Variants in PRKCH observed in about 807,000 individuals in gnomAD.
PRKCH encodes the protein protein kinase C eta.
In PRKCH, 28 loss-of-function variants were observed where a neutral mutation model predicts 82.5. The ratio of observed to expected loss-of-function variants is 0.34; its 90% confidence interval spans 0.25 to 0.47. The LOEUF (loss-of-function observed/expected upper bound fraction) is 0.47. PRKCH is among the 20% of genes least tolerant of loss of function. The pLI, the probability that PRKCH is intolerant of heterozygous loss-of-function variation, is 1.00. For synonymous variants in PRKCH, 322 were observed against 327.4 expected, an observed-to-expected ratio of 0.98 and a Z score of 0.18; for missense variants, 705 against 881.8, an observed-to-expected ratio of 0.80 and a Z score of 2.54.
At chr14:61,292,675 G>A (rs1262963633) in intron 1 of PRKCH, among the ~76,000 whole-genome samples, 1 of 150,746 alleles carries the variant, frequency 6.6e-6, no homozygotes, top group African/African-American at 2.4e-5. Context: ...GGAGGCTGAG[G>A]CAGGAGAATT....
At chr14:61,267,852 A>C (rs987888813) in intron 1 of PRKCH, among the ~76,000 whole-genome samples, 5 of 152,220 alleles carry the variant, frequency 3.3e-5, no homozygotes, top group Non-Finnish European at 5.9e-5. Flanking sequence ...AAGAAAAAAA[A>C]TGCTGCCAAT....
Position 61,472,711 on chromosome 14 carries a change from CA to C in PRKCH, c.1279-12790del, listed in dbSNP as rs551305722. Among the ~76,000 whole-genome samples the C allele has an allele frequency of 7.9e-5, 12 of 152,152 alleles. No homozygotes were observed. The South Asian group carries it at 2.5e-3, about 32-fold the overall frequency. Reference sequence around the variant, plus strand: ...CCTGTCTCAATTTTTTAAAAACCCACACACAAAAAAAACAACAAAACAAAAA... The same window carrying C: ...CCTGTCTCAATTTTTTAAAAACCCACCACAAAAAAAACAACAAAACAAAAA... On this transcript the variant is annotated intron_variant, in intron 9 of 13. Coordinates refer to ENST00000332981, the MANE Select transcript of PRKCH (RefSeq NM_006255.5).
chr14:61,442,323 T>C (rs934890463), intron 2 of PRKCH, among the ~76,000 whole-genome samples: 2 of 152,210 alleles, frequency 1.3e-5, no homozygotes, highest in Non-Finnish European at 2.9e-5. Flanking sequence ...AATTTCTACC[T>C]ATTCCAGGTT....
intron 1 of PRKCH, among the ~76,000 whole-genome samples, chr14:61,223,739 G>A (rs2044673405): frequency 6.6e-6 from 1 of 152,178 alleles, no homozygotes; most frequent in African/African-American, 2.4e-5. Flanking sequence ...ATGGCCAGAG[G>A]CTTGCAAAAG....
rs531160751 is a variant in PRKCH, at chr14:61,368,867, G to A, written c.364-22358G>A. ...AGTTGACAATTATTGTTATTTTTGGGGAATTGTTTAAAGGATGTTCATTCA... is the reference window on the plus strand; with the variant it reads ...AGTTGACAATTATTGTTATTTTTGGAGAATTGTTTAAAGGATGTTCATTCA... On this transcript the variant is annotated intron_variant, in intron 1 of 13. Coordinates refer to ENST00000332981, the MANE Select transcript of PRKCH (RefSeq NM_006255.5). Among the ~76,000 whole-genome samples, 7 of 152,022 alleles carry A rather than the reference G, an allele frequency of 4.6e-5. No homozygotes were observed. In the South Asian group the frequency reaches 6.3e-4, roughly 14 times the overall value.
intron 1 of PRKCH, among the ~76,000 whole-genome samples, chr14:61,243,472 A>C (rs901282758): frequency 6.6e-6 from 1 of 152,044 alleles, no homozygotes; most frequent in African/African-American, 2.4e-5. Flanking sequence ...AGAGAATAAC[A>C]TGTGCAAAGA....
intron 1 of PRKCH, among the ~76,000 whole-genome samples, chr14:61,352,864 A>G (rs1334977242): frequency 6.6e-6 from 1 of 152,204 alleles, no homozygotes; most frequent in Non-Finnish European, 1.5e-5. Context: ...AATTTGAAGC[A>G]GTTTAAGTCA....
At chr14:61,405,802 A>G (rs529265605) in intron 2 of PRKCH, among the ~76,000 whole-genome samples, 1,829 of 146,714 alleles carry the variant, frequency 0.012, 41 homozygotes, top group African/African-American at 0.046. Context: ...TTGGTACCTT[A>G]TAGGGACTTA....
chr14:61,191,167 C>T (rs1480530058), intron 1 of PRKCH, among the ~76,000 whole-genome samples: 1 of 152,140 alleles, frequency 6.6e-6, no homozygotes, highest in Admixed American at 6.5e-5. Flanking sequence ...TTCTCTCAGC[C>T]TGAAGAAGGT....
chr14:61,548,106 C>A (rs1007487403), intron 13 of PRKCH, among the ~76,000 whole-genome samples: 1 of 152,220 alleles, frequency 6.6e-6, no homozygotes, highest in Non-Finnish European at 1.5e-5. Context: ...TTTCACCCCT[C>A]GTTTACCCAA....
At chr14:61,267,921 CTTTTATATTTGTTT>C (rs1346512440) in intron 1 of PRKCH, among the ~76,000 whole-genome samples, 3 of 151,964 alleles carry the variant, frequency 2.0e-5, no homozygotes, top group Non-Finnish European at 4.4e-5. Context: ...TAAAAGGGTG[CTTTTATATTTGTTT>C]AGATAGATTT....
At chr14:61,408,094 CA>C (rs1351908060) in intron 2 of PRKCH, among the ~76,000 whole-genome samples, 7 of 152,192 alleles carry the variant, frequency 4.6e-5, no homozygotes, top group Admixed American at 2.0e-4. Flanking sequence ...GACTTTGAAA[CA>C]TGTTTTAGTG....
rs60055073 is a variant in PRKCH, at chr14:61,210,111, AATATATAT to A, written c.-19+22487_-19+22494del. Among the ~76,000 whole-genome samples the A allele has an allele frequency of 6.5e-3, 566 of 87,210 alleles. 2 individuals carry two copies. Among genetic ancestry groups the A allele is most frequent in the African/African-American group, 0.012 (317 of 25,544 alleles). 57.2% of individuals were successfully genotyped at this position (87,210 alleles called of 152,430 possible). On this transcript the variant is annotated intron_variant, in intron 1 of 3. Transcript: ENST00000555185. ...AAAAAACAAAACAAACAAACAAACAAATATATATATATATATATATATATATATATATA... is the reference window on the plus strand; with the variant it reads ...AAAAAACAAAACAAACAAACAAACAAATATATATATATATATATATATATA...
chr14:61,416,053 C>CTTTTTTTTT (rs71117815), intron 2 of PRKCH, among the ~76,000 whole-genome samples: 43 of 94,156 alleles, frequency 4.6e-4, no homozygotes, highest in South Asian at 7.7e-4. Context: ...CTTTTCTTTT[C>CTTTTTTTTT]TTTTTTTTTT....
In PRKCH at chr14:61,458,893, C is replaced by T. The variant is rs1366778948; in HGVS notation, c.1278+1214C>T. Among the ~76,000 whole-genome samples the T allele has an allele frequency of 2.6e-5, 4 of 152,164 alleles. No homozygotes were observed. The East Asian group carries it at 7.7e-4, about 29-fold the overall frequency. The stretch of plus-strand genomic sequence containing the variant: ...CACCTCCCACCAGGCCCTTCCCCAA[C>T]ATTAGAGATTCCAATTCAACATGAG... On this transcript the variant is annotated intron_variant, in intron 9 of 13. Transcript: ENST00000332981.
At chr14:61,231,689 A>G (rs1167487327) in intron 1 of PRKCH, among the ~76,000 whole-genome samples, 1 of 151,966 alleles carries the variant, frequency 6.6e-6, no homozygotes, top group Non-Finnish European at 1.5e-5. Flanking sequence ...TATTTTTCTT[A>G]TTCCCGAAAC....
chr14:61,259,590 A>G (rs1338429070), intron 1 of PRKCH, among the ~76,000 whole-genome samples: 1 of 152,234 alleles, frequency 6.6e-6, no homozygotes, highest in African/African-American at 2.4e-5. Context: ...CAAGCATTTT[A>G]AACAAGCATC....
chr14:61,277,188 T>C (rs2045211538), intron 1 of PRKCH, among the ~76,000 whole-genome samples: 1 of 152,146 alleles, frequency 6.6e-6, no homozygotes, highest in Non-Finnish European at 1.5e-5. Flanking sequence ...GGCAACACAG[T>C]GAGACTCTGT....
chr14:61,317,763 C>G (rs1374770350), upstream of PRKCH, among the ~76,000 whole-genome samples: 1 of 152,132 alleles, frequency 6.6e-6, no homozygotes, highest in African/African-American at 2.4e-5. Flanking sequence ...TCTCCTCCAC[C>G]TATAAATGTT....
Sources: gnomAD v4.1 joint callset for allele counts (sites outside exome capture counted in the v4.1 genomes callset) on GRCh38, gnomAD v4.1.1 for gene constraint, MANE v1.5 for transcripts, NCBI Gene and HGNC (gene_info 2026-07-23, HGNC 2026-07-21) for gene names.